HPRT1: variants seen among roughly 807,000 people sequenced by gnomAD.
The protein encoded by HPRT1 is hypoxanthine phosphoribosyltransferase 1.
In HPRT1, 4 loss-of-function variants were observed where a neutral mutation model predicts 19.0. That is an observed-to-expected ratio of 0.21 (90% confidence interval 0.10 to 0.48). HPRT1 has a LOEUF of 0.48. Among genes scored for constraint, HPRT1 ranks in the 20% least tolerant of loss-of-function variants. The pLI is 0.98. For missense variants in HPRT1, 65 were observed against 164.0 expected, an observed-to-expected ratio of 0.40 and a Z score of 3.30; for synonymous variants, 53 against 54.9, an observed-to-expected ratio of 0.97 and a Z score of 0.15.
intron 1 of HPRT1, among the ~76,000 whole-genome samples, chrX:134,464,274 A>G (rs2077591558): frequency 8.9e-6 from 1 of 112,348 alleles, no homozygotes; most frequent in African/African-American, 3.2e-5. Context: ...AAATTGGAAG[A>G]TGAATCTACT....
intron 1 of HPRT1, among the ~76,000 whole-genome samples, chrX:134,468,899 C>T (rs2077604013): frequency 9.0e-6 from 1 of 111,025 alleles, no homozygotes; most frequent in Non-Finnish European, 1.9e-5. Context: ...TCTGATGATA[C>T]ATTTTGTTTT....
At position 134,461,974 on chromosome X, in the gene HPRT1, C is replaced by G. The variant is rs2077585317; in HGVS notation, c.27+1636C>G. Among the ~76,000 whole-genome samples, 3 of 110,829 alleles carry G rather than the reference C, an allele frequency of 2.7e-5. No individual in the cohort carries two copies. In the Admixed American group the frequency reaches 2.9e-4, roughly 11 times the overall value. ...TAAACATCAACTTACTTAATTCTGC[C>G]AATTTCTTTTTTTTGAGACAGGGTC... On this transcript the variant is annotated intron_variant, in intron 1 of 8. Coordinates refer to ENST00000298556, the MANE Select transcript of HPRT1 (RefSeq NM_000194.3).
Position 134,460,326 on chromosome X carries a change from C to G in HPRT1, c.15C>G (p.Ser5Arg), listed in dbSNP as rs2077579387. Residue 5 changes from serine (S) to arginine (R), a missense_variant, in exon 1 of 9, where the codon AGC becomes AGG. Ser to Arg is a moderately radical substitution (Grantham distance 110, BLOSUM62 -1). Around this residue, in one of 4 missense-constraint regions of HPRT1, gnomAD observed 23 missense variants for 29.3 expected, o/e 0.79. Coordinates refer to ENST00000298556, the MANE Select transcript of HPRT1 (RefSeq NM_000194.3). MATRSPGVVISDDEP... is the reference protein window; with the variant it reads MATRRPGVVISDDEP... ...CCGGCTCCGTTATGGCGACCCGCAG[C>G]CCTGGCGTCGTGGTGAGCAGCTCGG... 8.9e-6 allele frequency: 10 copies of G among 1,129,667 alleles called. No homozygotes were observed. The highest frequency in any genetic ancestry group is 1.0e-5 in the Non-Finnish European group (9 of 858,906). The allele number at this position is 1,129,667 out of a possible 1,213,427, so 93.1% of individuals were successfully genotyped here. A position where few individuals can be genotyped will look rare whatever the true frequency, so the allele number is the denominator to read the frequency against.
chrX:134,482,087 C>T (rs1331425538), intron 3 of HPRT1, among the ~76,000 whole-genome samples: 1 of 111,731 alleles, frequency 9.0e-6, no homozygotes, highest in Non-Finnish European at 1.9e-5. Flanking sequence ...CAGGGTCTCA[C>T]TCTGTCACCC....
chrX:134,492,719 A>G (rs993363997), intron 5 of HPRT1, among the ~76,000 whole-genome samples: 1 of 111,604 alleles, frequency 9.0e-6, no homozygotes, highest in Non-Finnish European at 1.9e-5. Flanking sequence ...CTATCCCGTT[A>G]TTTTCACAGA....
At position 134,481,505 on chromosome X, in the gene HPRT1, CTCTATCTATCTATCTATCTATCTA is replaced by C. The variant is rs35832135; in HGVS notation, c.319-4927_319-4904del. Among the ~76,000 whole-genome samples the C allele has an allele frequency of 1.2e-3, 116 of 96,168 alleles. 3 individuals carry two copies. Among genetic ancestry groups the C allele is most frequent in the Non-Finnish European group, 4.2e-4 (20 of 48,095 alleles). 83.5% of individuals were successfully genotyped at this position (96,168 alleles called of 115,157 possible). A position where few individuals can be genotyped will look rare whatever the true frequency, so the allele number is the denominator to read the frequency against. On this transcript the variant is annotated intron_variant, in intron 3 of 8. Coordinates refer to ENST00000298556, the MANE Select transcript of HPRT1 (RefSeq NM_000194.3). ...TTTGTCTCTATCTCTATCTGTCTAT[CTCTATCTATCTATCTATCTATCTA>C]TCTATCTATCTATCTATCTATCTAT...
chrX:134,493,496 C>T lies in HPRT1; in HGVS notation c.403-12C>T. ...TGAATTTAAAGCTATGCAATGTCTT[C>T]TTTTTTGAAAGGATATAATTGACAC... On this transcript the variant is annotated splice_polypyrimidine_tract_variant and intron_variant, in intron 5 of 8. Coordinates refer to ENST00000298556, the MANE Select transcript of HPRT1 (RefSeq NM_000194.3). 8.5e-7 allele frequency: 1 copy of T among 1,174,994 alleles called. No homozygotes were observed. The highest frequency in any genetic ancestry group is 1.8e-5 in the South Asian group (1 of 56,185).
intron 5 of HPRT1, among the ~76,000 whole-genome samples, chrX:134,492,028 T>TACACACACACACACACACACACAC (rs2077668360): frequency 1.0e-5 from 1 of 98,884 alleles, no homozygotes; most frequent in African/African-American, 3.8e-5. Context: ...TATACATATA[T>TACACACACACACACACACACACAC]ATATATACAC....
chrX:134,479,946 A>AT (rs1461892600), intron 3 of HPRT1, among the ~76,000 whole-genome samples: 2 of 109,377 alleles, frequency 1.8e-5, no homozygotes, highest in African/African-American at 3.3e-5. Context: ...ATTTTATTTT[A>AT]TTTTTTTACC....
At chrX:134,464,306 A>G (rs994530212) in intron 1 of HPRT1, among the ~76,000 whole-genome samples, 10 of 112,055 alleles carry the variant, frequency 8.9e-5, no homozygotes, top group African/African-American at 3.2e-4. Context: ...TTATTTTTAC[A>G]TTTAGGAATA....
chrX:134,461,472 G>A (rs1346528819), intron 1 of HPRT1, among the ~76,000 whole-genome samples: 1 of 112,419 alleles, frequency 8.9e-6, no homozygotes. Context: ...GTCTAACTGG[G>A]AATCCAGCTT....
In HPRT1 at chrX:134,490,175, CT is replaced by C; in HGVS notation, c.385-8del. 1 of 1,011,346 alleles carries C rather than the reference CT, an allele frequency of 9.9e-7. No homozygotes were observed. The highest frequency in any genetic ancestry group is 1.4e-6 in the Non-Finnish European group (1 of 722,410). The allele number at this position is 1,011,346 out of a possible 1,213,427, so 83.3% of individuals were successfully genotyped here. ...ATTCATTGTACTGATTTTCATTTCT[CT>C]TTTTCTTCTAGAATGTCTTGATTGT... is the stretch of plus-strand genomic sequence containing the variant. On this transcript the variant is annotated splice_polypyrimidine_tract_variant and intron_variant, in intron 4 of 8. Transcript: ENST00000298556.
intron 3 of HPRT1, among the ~76,000 whole-genome samples, chrX:134,477,888 C>G (rs2077629961): frequency 9.0e-6 from 1 of 110,873 alleles, no homozygotes; most frequent in African/African-American, 3.3e-5. Context: ...GTTGCCCAGG[C>G]TGATCCCGAA....
rs2077691618 is a variant in HPRT1, at chrX:134,500,090, A to C, written c.*13A>C. On this transcript the variant is annotated 3_prime_UTR_variant, in exon 9 of 9. Coordinates refer to ENST00000298556, the MANE Select transcript of HPRT1 (RefSeq NM_000194.3). ...ATACAAAGCCTAAGATGAGAGTTCA[A>C]GTTGAGTTTGGAAACATCTGGAGTC... is the stretch of plus-strand genomic sequence containing the variant. 8.8e-7 allele frequency: 1 copy of C among 1,137,764 alleles called. No individual in the cohort carries two copies. The highest frequency in any genetic ancestry group is 2.2e-5 in the Admixed American group (1 of 45,698). 93.8% of individuals were successfully genotyped at this position (1,137,764 alleles called of 1,213,427 possible). A position where few individuals can be genotyped will look rare whatever the true frequency, so the allele number is the denominator to read the frequency against.
At chrX:134,472,595 T>G (rs2077613009) in intron 1 of HPRT1, among the ~76,000 whole-genome samples, 1 of 111,761 alleles carries the variant, frequency 8.9e-6, no homozygotes, top group Admixed American at 9.6e-5. Flanking sequence ...AGACGAAATC[T>G]CGCTCTTGTC....
chrX:134,474,049 A>G (rs749725535), intron 2 of HPRT1, among the ~76,000 whole-genome samples: 1 of 112,321 alleles, frequency 8.9e-6, no homozygotes, highest in East Asian at 2.8e-4. Context: ...ACTATATGCA[A>G]AAGTACATAT....
chrX:134,466,620 T>G (rs1247985246), intron 1 of HPRT1, among the ~76,000 whole-genome samples: 2 of 111,861 alleles, frequency 1.8e-5, no homozygotes, highest in Non-Finnish European at 3.8e-5. Flanking sequence ...TATTTTGTTA[T>G]GGCAGCCTGA....
intron 8 of HPRT1, among the ~76,000 whole-genome samples, chrX:134,499,428 A>G (rs1335275772): frequency 9.0e-6 from 1 of 110,823 alleles, no homozygotes; most frequent in East Asian, 2.8e-4. Context: ...CAGTGAGCCA[A>G]CATCACGCCA....
At chrX:134,490,458 ATTTATC>A in intron 5 of HPRT1, among the ~76,000 whole-genome samples, 1 of 98,585 alleles carries the variant, frequency 1.0e-5, no homozygotes, top group East Asian at 3.2e-4. Context: ...CTCTCTCTCT[ATTTATC>A]TATATATAAT....
Sources: allele counts gnomAD v4.1 joint callset (sites outside exome capture counted in the v4.1 genomes callset), GRCh38; gene constraint gnomAD v4.1.1; regional missense constraint gnomAD v4.1.1; transcripts MANE v1.5; gene names NCBI Gene and HGNC (gene_info 2026-07-23, HGNC 2026-07-21).